NRXN1: variants seen among roughly 807,000 people sequenced by gnomAD.
NRXN1 encodes neurexin 1.
A neutral mutation model predicts 150.9 loss-of-function variants in NRXN1; 39 were observed. The observed-to-expected ratio is 0.26, with a 90% CI of 0.20 to 0.34. The LOEUF (loss-of-function observed/expected upper bound fraction) is 0.34. NRXN1 is among the 10% of genes least tolerant of loss of function. The probability of loss-of-function intolerance (pLI) is 1.00; values close to 1 mark genes in which losing one functional copy is unlikely to be tolerated. For missense variants in NRXN1, 1,815 were observed against 1,949.9 expected (o/e 0.93, Z 1.30); for synonymous variants, 924 against 757.0 (o/e 1.22, Z -3.62).
At chr2:50,777,880 C>T (rs1039543133) in intron 5 of NRXN1, among the ~76,000 whole-genome samples, 2 of 152,130 alleles carry the variant, frequency 1.3e-5, no homozygotes, top group Admixed American at 6.6e-5. Flanking sequence ...GCTTCACTGA[C>T]CTCTTTGGAT....
At chr2:50,311,619 T>A (rs1033137115) in intron 17 of NRXN1, among the ~76,000 whole-genome samples, 5 of 152,126 alleles carry the variant, frequency 3.3e-5, no homozygotes, top group African/African-American at 1.2e-4. Context: ...CCTAGAATTA[T>A]CTTCATTGCT....
intron 2 of NRXN1, among the ~76,000 whole-genome samples, chr2:50,995,274 C>G (rs1004747388): frequency 1.8e-4 from 28 of 151,806 alleles, no homozygotes; most frequent in Non-Finnish European, 2.5e-4. Flanking sequence ...AACCCGAGGT[C>G]AAACCACAAA....
chr2:50,064,423 G>A (rs960190899), intron 19 of NRXN1, among the ~76,000 whole-genome samples: 2 of 120,804 alleles, frequency 1.7e-5, no homozygotes, highest in South Asian at 2.7e-4. Flanking sequence ...TTAATACCAC[G>A]TGGGATCTTC....
At chr2:50,122,606 A>G (rs1704014982) in intron 18 of NRXN1, among the ~76,000 whole-genome samples, 1 of 152,222 alleles carries the variant, frequency 6.6e-6, no homozygotes, top group Non-Finnish European at 1.5e-5. Flanking sequence ...GTGCATAGAA[A>G]CACCTAGCAG....
At chr2:50,739,138 T>C in intron 5 of NRXN1, 1 of 280,010 alleles carries the variant, frequency 3.6e-6, no homozygotes, top group South Asian at 3.3e-5. Flanking sequence ...TATATCATTG[T>C]ATGTCACAAA....
chr2:50,827,642 G>A (rs915156804), intron 5 of NRXN1, among the ~76,000 whole-genome samples: 11 of 152,284 alleles, frequency 7.2e-5, no homozygotes, highest in Admixed American at 5.9e-4. Flanking sequence ...GTTCTTGGAT[G>A]TTTCTCACAG....
chr2:50,338,951 T>C (rs1402612696), intron 17 of NRXN1, among the ~76,000 whole-genome samples: 1 of 152,170 alleles, frequency 6.6e-6, no homozygotes, highest in Non-Finnish European at 1.5e-5. Context: ...TTAAGTAGCA[T>C]TAAAAATACC....
chr2:50,310,659 T>G (rs1436958523), intron 17 of NRXN1, among the ~76,000 whole-genome samples: 1 of 152,316 alleles, frequency 6.6e-6, no homozygotes, highest in Non-Finnish European at 1.5e-5. Context: ...ATACTTCTAC[T>G]GTTATTGGAG....
At chr2:50,224,844 C>A (rs920632360) in intron 18 of NRXN1, among the ~76,000 whole-genome samples, 5 of 151,840 alleles carry the variant, frequency 3.3e-5, no homozygotes, top group East Asian at 3.9e-4. Flanking sequence ...CTAGTGGATT[C>A]TTCTCTTCTC....
chr2:50,268,650 C>T (rs758421416), intron 17 of NRXN1, among the ~76,000 whole-genome samples: 18 of 152,158 alleles, frequency 1.2e-4, no homozygotes, highest in Non-Finnish European at 2.2e-4. Context: ...CACACATCAC[C>T]CAGACAATGT....
chr2:51,002,147 T>G (rs941591226), intron 2 of NRXN1, among the ~76,000 whole-genome samples: 1 of 152,058 alleles, frequency 6.6e-6, no homozygotes, highest in Non-Finnish European at 1.5e-5. Context: ...AAGGCCTCCA[T>G]GTCAAGTAAA....
intron 22 of NRXN1, among the ~76,000 whole-genome samples, chr2:49,941,628 CA>C (rs1671990625): frequency 1.3e-5 from 2 of 152,098 alleles, no homozygotes; most frequent in African/African-American, 4.8e-5. Flanking sequence ...TATACTTAGA[CA>C]GTAAAAGAGG....
intron 5 of NRXN1, among the ~76,000 whole-genome samples, chr2:50,800,102 C>T (rs1421372215): frequency 2.0e-5 from 3 of 152,162 alleles, no homozygotes; most frequent in Admixed American, 6.6e-5. Flanking sequence ...ACTCTTTGGC[C>T]TCTAAGCAGG....
intron 17 of NRXN1, among the ~76,000 whole-genome samples, chr2:50,379,958 A>T (rs1419267891): frequency 6.6e-6 from 1 of 152,164 alleles, no homozygotes; most frequent in African/African-American, 2.4e-5. Context: ...TATTATAACA[A>T]TCCTGATCAC....
intron 5 of NRXN1, among the ~76,000 whole-genome samples, chr2:50,744,540 G>C (rs1699793201): frequency 1.3e-5 from 2 of 151,680 alleles, no homozygotes; most frequent in Admixed American, 1.3e-4. Flanking sequence ...TTTTTCATAT[G>C]CGGGTATATG....
chr2:50,385,366 T>C (rs908226515), intron 17 of NRXN1, among the ~76,000 whole-genome samples: 1 of 152,238 alleles, frequency 6.6e-6, no homozygotes, highest in Non-Finnish European at 1.5e-5. Context: ...CAGAGACTAA[T>C]AGATCACAGC....
chr2:50,781,452 G>A (rs539715260), intron 5 of NRXN1, among the ~76,000 whole-genome samples: 3 of 152,070 alleles, frequency 2.0e-5, no homozygotes, highest in South Asian at 4.1e-4. Context: ...ATCTCCAAGC[G>A]CTTAGCCCTG....
At chr2:50,349,025 A>C (rs928832993) in intron 17 of NRXN1, among the ~76,000 whole-genome samples, 2 of 152,140 alleles carry the variant, frequency 1.3e-5, no homozygotes, top group Non-Finnish European at 2.9e-5. Context: ...GGCCATTTAG[A>C]CTTGTATATT....
intron 21 of NRXN1, among the ~76,000 whole-genome samples, chr2:49,979,367 T>C (rs1168407306): frequency 6.6e-6 from 1 of 152,212 alleles, no homozygotes; most frequent in Non-Finnish European, 1.5e-5. Context: ...CAAAGCCTTC[T>C]CTTTCCCATG....
Sources: gnomAD v4.1 joint callset for allele counts (sites outside exome capture counted in the v4.1 genomes callset) on GRCh38, gnomAD v4.1.1 for gene constraint, MANE v1.5 for transcripts, NCBI Gene and HGNC (gene_info 2026-07-23, HGNC 2026-07-21) for gene names.